ARL10: variants seen among roughly 807,000 people sequenced by gnomAD.
ARL10 encodes ARF like GTPase 10.
In ARL10, 23 loss-of-function variants were observed where a neutral mutation model predicts 26.1. The observed-to-expected ratio is 0.88, with a 90% CI of 0.63 to 1.25. The LOEUF (loss-of-function observed/expected upper bound fraction) is 1.25. ARL10 is among the 50% of genes most tolerant of loss of function. The probability of loss-of-function intolerance (pLI) is 0.00; values close to 1 mark genes in which losing one functional copy is unlikely to be tolerated. For synonymous variants in ARL10, 138 were observed against 149.1 expected, an observed-to-expected ratio of 0.93 and a Z score of 0.54; for missense variants, 300 against 323.6, an observed-to-expected ratio of 0.93 and a Z score of 0.56.
Position 176,380,366 on chromosome 5 carries a change from A to G in ARL10, c.*8471A>G, listed in dbSNP as rs1755521764. 1 of 152,060 alleles carries G rather than the reference A, an allele frequency of 6.6e-6. No individual in the cohort carries two copies. The highest frequency in any genetic ancestry group is 1.9e-4 in the East Asian group (1 of 5,198). 9.4% of individuals were successfully genotyped at this position (152,060 alleles called of 1,614,324 possible). A position where few individuals can be genotyped will look rare whatever the true frequency, so the allele number is the denominator to read the frequency against. Reference sequence around the variant, plus strand: ...CTTTTCTAATGTGTCCCATAAATAAACAGTTTTATTTAAAGTTTCCTCATC... The same window carrying G: ...CTTTTCTAATGTGTCCCATAAATAAGCAGTTTTATTTAAAGTTTCCTCATC... On this transcript the variant is annotated 3_prime_UTR_variant, in exon 4 of 4. Coordinates refer to ENST00000310389, the MANE Select transcript of ARL10 (RefSeq NM_173664.6).
At position 176,377,380 on chromosome 5, in the gene ARL10, T is replaced by C. The variant is rs1438779681; in HGVS notation, c.*5485T>C. ...CTGCTTCATAGTTTGTCCAATAAAA[T>C]GAGTTCCTCTGTCACTGGAGATTTT... On this transcript the variant is annotated 3_prime_UTR_variant, in exon 4 of 4. Transcript: ENST00000310389. The surrounding 1 kb of genome is among the most constrained non-coding windows in gnomAD (Gnocchi z 4.5). The C allele has an allele frequency of 6.6e-6, 1 of 152,236 alleles. No homozygotes were observed. Among genetic ancestry groups the C allele is most frequent in the Non-Finnish European group, 1.5e-5 (1 of 68,036 alleles). 9.4% of individuals were successfully genotyped at this position (152,236 alleles called of 1,614,324 possible).
At chr5:176,369,086 T>C (rs757551045) in intron 3 of ARL10, 104 bp downstream of exon 3, 1 of 1,543,408 alleles carries the variant, frequency 6.5e-7, no homozygotes, top group Non-Finnish European at 8.7e-7. Flanking sequence ...AGAGGGTGGC[T>C]GAGATGCTGC....
At chr5:176,413,120 C>T in the ARL10 span, among the ~76,000 whole-genome samples, 2 of 152,176 alleles carry the variant, frequency 1.3e-5, no homozygotes, top group Non-Finnish European at 2.9e-5. Flanking sequence ...CACAGCATTC[C>T]AAGTACCTGT....
intron 1 of ARL10, among the ~76,000 whole-genome samples, chr5:176,396,849 A>C (rs1756547417): frequency 6.6e-6 from 1 of 152,082 alleles, no homozygotes; most frequent in Non-Finnish European, 1.5e-5. Flanking sequence ...GTGTGAGTCC[A>C]CAGGTTCCTG....
chr5:176,388,545 T>A, exon 2 of ARL10: 1 of 1,606,764 alleles, frequency 6.2e-7, no homozygotes, highest in Non-Finnish European at 8.5e-7. Flanking sequence ...GGCATCGCGC[T>A]GACCACCGCA....
Position 176,372,089 on chromosome 5 carries a change from G to A in ARL10, c.*194G>A, listed in dbSNP as rs766084580. 3.5e-4 allele frequency: 504 copies of A among 1,424,132 alleles called. No homozygotes were observed. The highest frequency in any genetic ancestry group is 5.9e-4 in the African/African-American group (41 of 69,640). 88.2% of individuals were successfully genotyped at this position (1,424,132 alleles called of 1,614,324 possible). A position where few individuals can be genotyped will look rare whatever the true frequency, so the allele number is the denominator to read the frequency against. On this transcript the variant is annotated 3_prime_UTR_variant, in exon 4 of 4. Transcript: ENST00000310389. The stretch of plus-strand genomic sequence containing the variant: ...TTCCTGGTGAGGTGGCCGTGAAGCC[G>A]AAGCAGGGAGGTGGGTGAGACAGAG...
At chr5:176,386,748 T>G (rs1242267623), downstream of ARL10, 1 of 1,119,584 alleles carries the variant, frequency 8.9e-7, no homozygotes, top group East Asian at 2.3e-5. Context: ...AAACTTGGTT[T>G]CTCCATCTGC....
At chr5:176,383,188 G>A (rs949374238), downstream of ARL10, among the ~76,000 whole-genome samples, 2 of 152,102 alleles carry the variant, frequency 1.3e-5, no homozygotes, top group Non-Finnish European at 2.9e-5. Context: ...ATAAAACCAC[G>A]CACCATACAA....
chr5:176,397,886 A>ACACACAGCC, intron 1 of ARL10: 1 of 1,556,254 alleles, frequency 6.4e-7, no homozygotes, highest in Non-Finnish European at 8.8e-7. Flanking sequence ...ACTCCACCCC[A>ACACACAGCC]CACACAGCCC....
chr5:176,400,094 G>A lies in ARL10; in HGVS notation c.134-1647G>A, dbSNP rs551448950. Among the ~76,000 whole-genome samples, 16 of 151,316 alleles carry A rather than the reference G, an allele frequency of 1.1e-4. No individual in the cohort carries two copies. In the East Asian group the frequency reaches 2.7e-3, roughly 26 times the overall value. ...TAATCCCACCTACTCGGGAGGCTGAGGCACAAGAATCACTTGAATCCGGGG... is the reference window on the plus strand; with the variant it reads ...TAATCCCACCTACTCGGGAGGCTGAAGCACAAGAATCACTTGAATCCGGGG... On this transcript the variant is annotated intron_variant, in intron 1 of 1. Coordinates refer to the ARL10 transcript ENST00000514533.
downstream of ARL10, chr5:176,386,054 G>C (rs1351658492): frequency 6.6e-6 from 1 of 152,656 alleles, no homozygotes; most frequent in Non-Finnish European, 1.5e-5. Flanking sequence ...TTGTTTAATG[G>C]GTATAGTTTC....
At chr5:176,404,512 A>C (rs1581437144), downstream of ARL10, among the ~76,000 whole-genome samples, 1 of 152,234 alleles carries the variant, frequency 6.6e-6, no homozygotes, top group Non-Finnish European at 1.5e-5. Context: ...AAAAGCAGAA[A>C]GTGAAGTCCA....
chr5:176,406,692 C>T (rs1264389110), downstream of ARL10: 34 of 1,287,830 alleles, frequency 2.6e-5, no homozygotes, highest in South Asian at 1.1e-4. Context: ...TAGCTGGACC[C>T]GCTGGTGGTG....
chr5:176,408,552 A>C, the ARL10 span, among the ~76,000 whole-genome samples: 8 of 152,100 alleles, frequency 5.3e-5, no homozygotes, highest in African/African-American at 1.9e-4. Context: ...AAAAAAAAAA[A>C]AAAGACTCAC....
At position 176,368,722 on chromosome 5, in the gene ARL10, G is replaced by A; in HGVS notation, c.386-85G>A. The stretch of plus-strand genomic sequence containing the variant: ...GGGTGGGGTGGGGGCTGTGGGCAGT[G>A]AGCGGGGGCCCGGGGTGGGGTGGGG... On this transcript the variant is annotated intron_variant, in intron 2 of 3. Coordinates refer to ENST00000310389, the MANE Select transcript of ARL10 (RefSeq NM_173664.6). The surrounding 1 kb of genome is among the most constrained non-coding windows in gnomAD (Gnocchi z 4.1). 7.1e-7 allele frequency: 1 copy of A among 1,418,392 alleles called. No homozygotes were observed. Among genetic ancestry groups the A allele is most frequent in the East Asian group, 2.5e-5 (1 of 40,518 alleles). The allele number at this position is 1,418,392 out of a possible 1,614,324, so 87.9% of individuals were successfully genotyped here. A position where few individuals can be genotyped will look rare whatever the true frequency, so the allele number is the denominator to read the frequency against.
chr5:176,409,949 A>G, the ARL10 span, among the ~76,000 whole-genome samples: 2 of 152,288 alleles, frequency 1.3e-5, 1 homozygote, highest in Middle Eastern at 6.8e-3. Context: ...GTGGTGAGGG[A>G]AGGCCTTGCG....
At chr5:176,369,419 G>A (rs1768453540) in intron 3 of ARL10, among the ~76,000 whole-genome samples, 1 of 151,968 alleles carries the variant, frequency 6.6e-6, no homozygotes, top group Admixed American at 6.6e-5. Flanking sequence ...TTTTAGTAGA[G>A]GTGGAGTTTT....
In ARL10 at chr5:176,373,108, A is replaced by C. The variant is rs1358070778; in HGVS notation, c.*1213A>C. 13 of 398,496 alleles carry C rather than the reference A, an allele frequency of 3.3e-5. No individual in the cohort carries two copies. Among genetic ancestry groups the C allele is most frequent in the Non-Finnish European group, 8.8e-6 (2 of 226,066 alleles). 24.7% of individuals were successfully genotyped at this position (398,496 alleles called of 1,614,324 possible). ...GGTAGATAAGAAATGACTCTGGGAG[A>C]GGATTTCCCTTATGTGAATCTAGGT... On this transcript the variant is annotated 3_prime_UTR_variant, in exon 4 of 4. Transcript: ENST00000310389.
chr5:176,383,824 A>G (rs1370371165), downstream of ARL10: 3 of 670,834 alleles, frequency 4.5e-6, no homozygotes, highest in East Asian at 2.7e-5. Flanking sequence ...TGCCTAGAAG[A>G]GCAAGTGAAC....
Sources: gnomAD v4.1 joint callset for allele counts (sites outside exome capture counted in the v4.1 genomes callset) on GRCh38, gnomAD v4.1.1 for gene constraint, Gnocchi (gnomAD v3.1) non-coding constraint, MANE v1.5 for transcripts, NCBI Gene and HGNC (gene_info 2026-07-23, HGNC 2026-07-21) for gene names.